SNAPC3: variants seen among roughly 807,000 people sequenced by gnomAD.
SNAPC3 encodes the protein small nuclear RNA activating complex polypeptide 3.
In SNAPC3, 56 loss-of-function variants were observed where a neutral mutation model predicts 47.7. The ratio of observed to expected loss-of-function variants is 1.18; its 90% confidence interval spans 0.95 to 1.47. The LOEUF is 1.47. Among genes scored for constraint, SNAPC3 ranks in the 40% most tolerant of loss-of-function variants. The probability of loss-of-function intolerance (pLI) is 0.00; values close to 1 mark genes in which losing one functional copy is unlikely to be tolerated. For synonymous variants in SNAPC3, 235 were observed against 189.9 expected (o/e 1.24, Z -1.95); for missense variants, 665 against 511.3 (o/e 1.30, Z -2.90).
intron 3 of SNAPC3, among the ~76,000 whole-genome samples, chr9:15,437,749 A>G (rs964418045): frequency 3.3e-5 from 5 of 152,126 alleles, no homozygotes; most frequent in African/African-American, 9.7e-5. Flanking sequence ...ATTCAATAAA[A>G]ATTGTAATCA....
chr9:15,454,269 T>C (rs571563856), intron 7 of SNAPC3, among the ~76,000 whole-genome samples: 1 of 151,910 alleles, frequency 6.6e-6, no homozygotes, highest in African/African-American at 2.4e-5. Flanking sequence ...GCTGATGCTT[T>C]CAGAAAGTCC....
At chr9:15,454,423 T>C (rs1291617391) in intron 7 of SNAPC3, among the ~76,000 whole-genome samples, 1 of 151,960 alleles carries the variant, frequency 6.6e-6, no homozygotes, top group Non-Finnish European at 1.5e-5. Context: ...CAACACAGAA[T>C]AGGTTAAATA....
At chr9:15,434,385 G>A (rs1370673037) in intron 3 of SNAPC3, among the ~76,000 whole-genome samples, 2 of 149,070 alleles carry the variant, frequency 1.3e-5, no homozygotes, top group African/African-American at 4.9e-5. Flanking sequence ...TAAGTGGAAT[G>A]CTTTTTTGTC....
intron 2 of SNAPC3, among the ~76,000 whole-genome samples, chr9:15,425,207 C>CTATGT (rs1195717881): frequency 2.6e-5 from 4 of 152,130 alleles, no homozygotes; most frequent in Non-Finnish European, 4.4e-5. Flanking sequence ...CATACCACTT[C>CTATGT]TATGTTATGT....
At chr9:15,444,533 C>T (rs1209659333) in intron 3 of SNAPC3, 69 bp from the exon 4 acceptor site, 7 of 949,624 alleles carry the variant, frequency 7.4e-6, no homozygotes, top group Non-Finnish European at 1.2e-5. Flanking sequence ...TTGCTGATAG[C>T]CATTGTACCA....
Position 15,444,627 on chromosome 9 carries a change from C to A in SNAPC3, c.503C>A (p.Pro168His), listed in dbSNP as rs1436400254. The change falls in exon 4 of 9, where the codon CCT (proline) becomes CAT (histidine). Residue 168 changes from proline (P) to histidine (H), a missense_variant. Physicochemically the swap from Pro to His is moderately conservative, Grantham distance 77 (BLOSUM62 -2). Transcript: ENST00000380821. ...EMESHAIGKK[P>H]ENSADMIEEG... ...GAGTCACATGCCATAGGAAAAAAGC[C>A]TGAAAATTCAGCAGACATGATTGAA... The A allele has an allele frequency of 6.2e-7, 1 of 1,612,024 alleles. No individual in the cohort carries two copies. The highest frequency in any genetic ancestry group is 2.2e-5 in the East Asian group (1 of 44,850).
At chr9:15,456,243 C>T (rs1316942135) in intron 7 of SNAPC3, among the ~76,000 whole-genome samples, 2 of 152,080 alleles carry the variant, frequency 1.3e-5, no homozygotes, top group Admixed American at 1.3e-4. Flanking sequence ...CTCCTGACCT[C>T]AGGTGATCCG....
intron 8 of SNAPC3, 26 bp from the exon 9 acceptor site, chr9:15,459,693 T>G (rs1325231417): frequency 1.9e-6 from 3 of 1,604,366 alleles, no homozygotes; most frequent in South Asian, 2.2e-5. Context: ...ATTGTAATGA[T>G]GTACTTCTTT....
intron 2 of SNAPC3, among the ~76,000 whole-genome samples, chr9:15,431,051 A>G (rs1433567245): frequency 6.6e-6 from 1 of 152,194 alleles, no homozygotes; most frequent in Non-Finnish European, 1.5e-5. Flanking sequence ...CAGGAGTCTC[A>G]AAGGTTTTGC....
chr9:15,445,755 C>A (rs771488684), intron 4 of SNAPC3, among the ~76,000 whole-genome samples: 12 of 152,196 alleles, frequency 7.9e-5, no homozygotes, highest in Non-Finnish European at 1.8e-4. Context: ...TCAAGATCAG[C>A]CTAGACAAAG....
At chr9:15,434,557 G>C (rs865805094) in intron 3 of SNAPC3, among the ~76,000 whole-genome samples, 1 of 151,898 alleles carries the variant, frequency 6.6e-6, no homozygotes, top group Non-Finnish European at 1.5e-5. Flanking sequence ...ATAGGTGCCT[G>C]CCACCATGCC....
At chr9:15,429,354 G>C (rs372146626) in intron 2 of SNAPC3, among the ~76,000 whole-genome samples, 107 of 152,268 alleles carry the variant, frequency 7.0e-4, no homozygotes, top group African/African-American at 2.5e-3. Flanking sequence ...AAGAGAATGA[G>C]CTTTATCCAA....
At chr9:15,445,222 T>C (rs969498451) in intron 4 of SNAPC3, among the ~76,000 whole-genome samples, 2 of 152,226 alleles carry the variant, frequency 1.3e-5, no homozygotes, top group African/African-American at 2.4e-5. Context: ...CTCGATCCAG[T>C]AGGATTACAG....
chr9:15,423,190 G>A lies in SNAPC3; in HGVS notation c.311G>A (p.Cys104Tyr), dbSNP rs1426685774. The A allele has an allele frequency of 1.3e-6, 2 of 1,576,212 alleles. No individual in the cohort carries two copies. Among genetic ancestry groups the A allele is most frequent in the Non-Finnish European group, 8.5e-7 (1 of 1,170,280 alleles). ...GCGGCGGCTGAGCTGAGGGCGGTGT[G>A]CGGGTGAGTGCGGAGCAAAGGGGCT... ...LEAAAELRAV[C>Y]GLDKLKCLED... The change falls in exon 1 of 9, where the codon TGC (cysteine) becomes TAC (tyrosine). Residue 104 changes from cysteine (C) to tyrosine (Y), a missense_variant. Cys to Tyr is a radical substitution (Grantham distance 194, BLOSUM62 -2). Transcript: ENST00000380821.
chr9:15,446,560 A>G (rs1399075005), intron 4 of SNAPC3, among the ~76,000 whole-genome samples: 1 of 152,204 alleles, frequency 6.6e-6, no homozygotes, highest in African/African-American at 2.4e-5. Flanking sequence ...TGGAGAGGCT[A>G]TAATGCCTTT....
At chr9:15,427,580 C>T (rs1444221484) in intron 2 of SNAPC3, among the ~76,000 whole-genome samples, 1 of 152,148 alleles carries the variant, frequency 6.6e-6, no homozygotes, top group Non-Finnish European at 1.5e-5. Flanking sequence ...AAACTCCTGA[C>T]CTCAAGTGAT....
rs1384666645 is a variant in SNAPC3 at position 15,444,658 on chromosome 9, G to A, written c.534G>A (p.Gly178=). 5.6e-6 allele frequency: 9 copies of A among 1,612,500 alleles called. No homozygotes were observed. The highest frequency in any genetic ancestry group is 7.6e-6 in the Non-Finnish European group (9 of 1,178,694). The change falls in exon 4 of 9, where the codon GGG becomes GGA. Residue 178 remains glycine, a synonymous_variant. Coordinates refer to ENST00000380821, the MANE Select transcript of SNAPC3 (RefSeq NM_001039697.2). The part of the protein sequence containing the change: ...PENSADMIEE[G]ELILSVNILY... ...ATTCAGCAGACATGATTGAAGAAGG[G>A]GAGCTTATCCTATCTGTGAATATCT...
At chr9:15,436,818 C>G (rs1201833459) in intron 3 of SNAPC3, among the ~76,000 whole-genome samples, 1 of 124,440 alleles carries the variant, frequency 8.0e-6, no homozygotes, top group Non-Finnish European at 1.6e-5. Flanking sequence ...TTTCTTACAG[C>G]AGTTTTTTTT....
chr9:15,457,892 A>T, intron 7 of SNAPC3, 68 bp from the exon 8 acceptor site: 1 of 861,474 alleles, frequency 1.2e-6, no homozygotes, highest in Non-Finnish European at 1.9e-6. Flanking sequence ...AGATATATTT[A>T]ATAGCTCATA....
Sources: allele counts gnomAD v4.1 joint callset (sites outside exome capture counted in the v4.1 genomes callset), GRCh38; gene constraint gnomAD v4.1.1; transcripts MANE v1.5; gene names NCBI Gene and HGNC (gene_info 2026-07-23, HGNC 2026-07-21).